Variants in MYO3B observed in about 807,000 individuals in gnomAD.
MYO3B encodes myosin IIIB.
In MYO3B, 156 loss-of-function variants were observed where a neutral mutation model predicts 174.6. The observed-to-expected ratio is 0.89, with a 90% CI of 0.78 to 1.02. The LOEUF (loss-of-function observed/expected upper bound fraction) is 1.02, where lower values mean the gene tolerates loss of function less well. Ranked by LOEUF, MYO3B falls within the 50% of genes least tolerant of loss-of-function variation. The pLI is 0.00. For synonymous variants in MYO3B, 563 were observed against 569.1 expected (o/e 0.99, Z 0.15); for missense variants, 1,632 against 1,639.4 (o/e 1.00, Z 0.08).
chr2:170,339,644 T>A (rs2105554136), intron 8 of MYO3B, among the ~76,000 whole-genome samples: 1 of 152,248 alleles, frequency 6.6e-6, no homozygotes, highest in South Asian at 2.1e-4. Flanking sequence ...TTAGAGATAG[T>A]AAGAGAGATT....
At chr2:170,629,744 C>A (rs142404917) in intron 32 of MYO3B, among the ~76,000 whole-genome samples, 2 of 152,018 alleles carry the variant, frequency 1.3e-5, no homozygotes, top group Non-Finnish European at 1.5e-5. Context: ...CAGCTACTCA[C>A]GAGGCTGAGA....
chr2:170,181,486 G>C (rs1357084948), intron 1 of MYO3B, among the ~76,000 whole-genome samples: 5 of 151,956 alleles, frequency 3.3e-5, no homozygotes, highest in Admixed American at 6.6e-5. Flanking sequence ...TAAATGATGA[G>C]AGCAGACATC....
At chr2:170,418,828 G>C (rs1009375424) in intron 22 of MYO3B, among the ~76,000 whole-genome samples, 18 of 151,830 alleles carry the variant, frequency 1.2e-4, no homozygotes, top group Admixed American at 4.6e-4. Context: ...AAAAAAAGAT[G>C]CTTACAATCT....
Position 170,466,650 on chromosome 2 carries a change from A to T in MYO3B, c.2953A>T (p.Thr985Ser). The change falls in exon 25 of 35, where the codon ACA (threonine) becomes TCA (serine). Residue 985 changes from threonine (T) to serine (S), a missense_variant. By Grantham distance (58) the Thr-to-Ser change is moderately conservative. Coordinates refer to ENST00000408978, the MANE Select transcript of MYO3B (RefSeq NM_138995.5). ...AQLRSTGILE[T>S]VSIRRQGYSH... ...GCTCCGCTCCACAGGGATTCTGGAG[A>T]CAGTCAGCATCCGCCGCCAGGGCTA... The T allele has an allele frequency of 6.2e-7, 1 of 1,614,236 alleles. No homozygotes were observed. Among genetic ancestry groups the T allele is most frequent in the East Asian group, 2.2e-5 (1 of 44,888 alleles).
At chr2:170,609,201 A>C (rs1042206815) in intron 32 of MYO3B, among the ~76,000 whole-genome samples, 2 of 152,224 alleles carry the variant, frequency 1.3e-5, no homozygotes, top group African/African-American at 4.8e-5. Context: ...ATTAATGAGA[A>C]ATAGATGCCT....
intron 23 of MYO3B, among the ~76,000 whole-genome samples, chr2:170,449,794 A>G (rs13013648): frequency 0.23 from 34,827 of 151,856 alleles, 4,836 homozygotes; most frequent in Non-Finnish European, 0.31. Flanking sequence ...AAAAAAGAAA[A>G]GAAAAAGAAG....
intron 30 of MYO3B, among the ~76,000 whole-genome samples, chr2:170,536,319 A>G (rs988077828): frequency 9.9e-5 from 15 of 152,252 alleles, no homozygotes; most frequent in African/African-American, 2.7e-4. Context: ...TGATGAATTT[A>G]TCCTTGAGCC....
At chr2:170,178,479 G>T (rs1169783645) in intron 1 of MYO3B, among the ~76,000 whole-genome samples, 190 bp downstream of exon 1, 1 of 152,040 alleles carries the variant, frequency 6.6e-6, no homozygotes, top group African/African-American at 2.4e-5. Flanking sequence ...TTTTGTCTGG[G>T]TGGTTAAATT....
chr2:170,508,124 G>A (rs6748344), intron 28 of MYO3B, among the ~76,000 whole-genome samples: 1 of 151,868 alleles, frequency 6.6e-6, no homozygotes, highest in Non-Finnish European at 1.5e-5. Flanking sequence ...TGCAACAGTA[G>A]GTACCCCTAG....
At chr2:170,351,227 C>T (rs1302457427) in intron 8 of MYO3B, 1 of 152,058 alleles carries the variant, frequency 6.6e-6, no homozygotes, top group Non-Finnish European at 1.5e-5. Flanking sequence ...AACAGGGCTC[C>T]AAACAAGATA....
In MYO3B at chr2:170,242,694, G is replaced by A. The variant is rs556701713; in HGVS notation, c.749+6558G>A. 5.3e-5 allele frequency among the ~76,000 whole-genome samples: 8 copies of A among 152,278 alleles called. No homozygotes were observed. The East Asian group carries it at 1.5e-3, about 29-fold the overall frequency. On this transcript the variant is annotated intron_variant, in intron 7 of 34. Transcript: ENST00000408978. ...CTACTGAGTAAGAAGCTCACCCTGA[G>A]AGACAGGCCAAAGGTGCGAGGGGTT...
chr2:170,199,173 A>T (rs749276708), intron 1 of MYO3B, 35 bp from the exon 2 acceptor site: 1 of 1,448,014 alleles, frequency 6.9e-7, no homozygotes, highest in Admixed American at 2.1e-5. Flanking sequence ...CAGTTCTGTG[A>T]TCTGTTGCAC....
intron 8 of MYO3B, chr2:170,342,049 A>C (rs1223402476): frequency 6.6e-6 from 1 of 152,228 alleles, no homozygotes; most frequent in Non-Finnish European, 1.5e-5. Context: ...GAGAGAAATG[A>C]AGGTTTAGCG....
chr2:170,268,976 G>C (rs3845733), intron 7 of MYO3B, among the ~76,000 whole-genome samples: 133,183 of 152,144 alleles, frequency 0.88, 58,940 homozygotes, highest in East Asian at 0.96. Flanking sequence ...GCATGATTCA[G>C]GTAAGAAAAG....
At chr2:170,249,110 C>G (rs2093223788) in intron 7 of MYO3B, among the ~76,000 whole-genome samples, 1 of 152,198 alleles carries the variant, frequency 6.6e-6, no homozygotes, top group African/African-American at 2.4e-5. Flanking sequence ...CCCAAAGCCT[C>G]CAGTCCTGGG....
chr2:170,402,715 G>C, intron 18 of MYO3B, 133 bp from the exon 19 acceptor site: 1 of 697,898 alleles, frequency 1.4e-6, no homozygotes, highest in Non-Finnish European at 2.1e-6. Flanking sequence ...TTTCTTAGGG[G>C]TGGCAGGATG....
intron 30 of MYO3B, among the ~76,000 whole-genome samples, chr2:170,521,861 G>A (rs909969654): frequency 6.6e-6 from 1 of 152,024 alleles, no homozygotes; most frequent in African/African-American, 2.4e-5. Context: ...AATCTGATTT[G>A]TGTCCCTACA....
intron 6 of MYO3B, among the ~76,000 whole-genome samples, chr2:170,227,363 C>G (rs558100910): frequency 6.6e-6 from 1 of 152,146 alleles, no homozygotes; most frequent in Non-Finnish European, 1.5e-5. Flanking sequence ...TGGCTCACTG[C>G]GACCTCCACC....
Position 170,537,448 on chromosome 2 carries a change from A to ATTTTTTTTTTTTTTTTTTT in MYO3B, c.3576-5443_3576-5425dup, listed in dbSNP as rs559086883. Among the ~76,000 whole-genome samples the ATTTTTTTTTTTTTTTTTTT allele has an allele frequency of 1.6e-4, 9 of 54,822 alleles. 1 individual carries two copies. In the East Asian group the frequency reaches 2.9e-3, roughly 18 times the overall value. The allele number at this position is 54,822 out of a possible 152,430, so 36.0% of individuals were successfully genotyped here. A position where few individuals can be genotyped will look rare whatever the true frequency, so the allele number is the denominator to read the frequency against. On this transcript the variant is annotated intron_variant, in intron 30 of 34. Transcript: ENST00000408978. ...ACCTTCTCTTATTAAGAGCTCTTTGATTTTTTTTTTTTTTTTTTTTTTTTT... is the reference window on the plus strand; with the variant it reads ...ACCTTCTCTTATTAAGAGCTCTTTGATTTTTTTTTTTTTTTTTTTTTTTTTTTTTTTTTTTTTTTTTTTT...
Sources: allele counts gnomAD v4.1 joint callset (sites outside exome capture counted in the v4.1 genomes callset), GRCh38; gene constraint gnomAD v4.1.1; transcripts MANE v1.5; gene names NCBI Gene and HGNC (gene_info 2026-07-23, HGNC 2026-07-21).